Variants in GOLM1 observed in about 807,000 individuals in gnomAD.
GOLM1 encodes the protein epididymis luminal protein 46.
A neutral mutation model predicts 50.5 loss-of-function variants in GOLM1; 31 were observed. That is an observed-to-expected ratio of 0.61 (90% CI 0.46 to 0.83). The LOEUF (loss-of-function observed/expected upper bound fraction) is 0.83, where lower values mean the gene tolerates loss of function less well. Ranked by LOEUF, GOLM1 falls within the 40% of genes least tolerant of loss-of-function variation. The pLI is 0.00. For synonymous variants in GOLM1, 178 were observed against 192.8 expected, an observed-to-expected ratio of 0.92 and a Z score of 0.64; for missense variants, 491 against 501.3, an observed-to-expected ratio of 0.98 and a Z score of 0.20.
rs1162471404 is a variant in GOLM1 at position 86,099,553 on chromosome 9, G to C, written c.-164C>G. The stretch of plus-strand genomic sequence containing the variant: ...GCGCCTCCGCGTCCAGCGCCGCCGC[G>C]TCTCCGGCCTCCGCAGCGGCAAGGC... On this transcript the variant is annotated 5_prime_UTR_variant, in exon 1 of 10. Transcript: ENST00000388712. The C allele has an allele frequency of 6.8e-6, 1 of 147,692 alleles. No homozygotes were observed. Among genetic ancestry groups the C allele is most frequent in the African/African-American group, 2.4e-5 (1 of 40,910 alleles). The allele number at this position is 147,692 out of a possible 1,614,324, so 9.1% of individuals were successfully genotyped here.
intron 4 of GOLM1, among the ~76,000 whole-genome samples, chr9:86,049,558 T>C (rs947771989): frequency 3.9e-5 from 6 of 152,214 alleles, no homozygotes; most frequent in Admixed American, 1.3e-4. Flanking sequence ...GAGCAGTGGT[T>C]TGTAGTTCTC....
At chr9:86,036,212 G>A in intron 7 of GOLM1, 136 bp downstream of exon 7, 1 of 839,344 alleles carries the variant, frequency 1.2e-6, no homozygotes, top group Non-Finnish European at 2.0e-6. Context: ...CAATTCCAGG[G>A]GCCCAGAGAG....
chr9:86,059,077 A>ACC (rs71505773), intron 3 of GOLM1, among the ~76,000 whole-genome samples: 120 of 149,628 alleles, frequency 8.0e-4, no homozygotes, highest in African/African-American at 2.8e-3. Flanking sequence ...AGAAACTAGA[A>ACC]CCCCCCCCCA....
intron 1 of GOLM1, among the ~76,000 whole-genome samples, chr9:86,088,091 C>G (rs1463215415): frequency 1.3e-5 from 2 of 151,944 alleles, no homozygotes; most frequent in African/African-American, 4.8e-5. Context: ...GGTTGGTAGG[C>G]TATTCATTAC....
chr9:86,045,623 T>G (rs1049946633), intron 5 of GOLM1, among the ~76,000 whole-genome samples: 1 of 147,734 alleles, frequency 6.8e-6, no homozygotes, highest in African/African-American at 2.5e-5. Context: ...TGCAGTGAGC[T>G]GAGATTGTGC....
At chr9:86,071,375 T>A (rs797005582) in intron 3 of GOLM1, among the ~76,000 whole-genome samples, 134 of 152,142 alleles carry the variant, frequency 8.8e-4, no homozygotes, top group African/African-American at 1.1e-3. Flanking sequence ...CTATTTTTTT[T>A]AATATAAAAT....
chr9:86,079,890 C>T (rs1203558139), intron 1 of GOLM1: 2 of 152,030 alleles, frequency 1.3e-5, no homozygotes, highest in African/African-American at 4.8e-5. Context: ...TAATGACACC[C>T]AATTAAAGCA....
rs530132329 is a variant in GOLM1 at position 86,083,234 on chromosome 9, C to A, written c.-21-3893G>T. 2.6e-5 allele frequency among the ~76,000 whole-genome samples: 4 copies of A among 152,332 alleles called. No homozygotes were observed. In the South Asian group the frequency reaches 8.3e-4, roughly 32 times the overall value. ...TGTGAATCCAACCCAGGCACATCCT[C>A]CTCTAGGCTTTAAACCATGTCTAGA... On this transcript the variant is annotated intron_variant, in intron 1 of 9. Transcript: ENST00000388712.
intron 5 of GOLM1, among the ~76,000 whole-genome samples, chr9:86,041,480 T>C (rs1206068111): frequency 4.6e-5 from 7 of 152,104 alleles, no homozygotes; most frequent in Admixed American, 6.5e-5. Context: ...ACCAGAAGGC[T>C]TGGGGAGCTT....
chr9:86,090,214 GCACAGGGGTCAGGGACC>G (rs1835132296), intron 1 of GOLM1, among the ~76,000 whole-genome samples: 1 of 152,146 alleles, frequency 6.6e-6, no homozygotes, highest in African/African-American at 2.4e-5. Context: ...CAGTCAGGAG[GCACAGGGGTCAGGGACC>G]CACTTGAAGA....
Position 86,027,734 on chromosome 9 carries a change from ACAGTTTT to A in GOLM1, c.*76_*82del. The A allele has an allele frequency of 6.6e-7, 1 of 1,526,502 alleles. No homozygotes were observed. The highest frequency in any genetic ancestry group is 8.8e-7 in the Non-Finnish European group (1 of 1,137,576). The allele number at this position is 1,526,502 out of a possible 1,614,324, so 94.6% of individuals were successfully genotyped here. On this transcript the variant is annotated 3_prime_UTR_variant, in exon 10 of 10. Transcript: ENST00000388712. Reference sequence around the variant, plus strand: ...ATGTACATTTTATTTAGTACATTTCACAGTTTTCAGTATTCAGTCCCTCATGAACATT... The same window carrying A: ...ATGTACATTTTATTTAGTACATTTCACAGTATTCAGTCCCTCATGAACATT...
chr9:86,074,025 C>CT (rs1834531889), intron 3 of GOLM1, among the ~76,000 whole-genome samples: 1 of 152,000 alleles, frequency 6.6e-6, no homozygotes, highest in Non-Finnish European at 1.5e-5. Context: ...GATATAACAC[C>CT]TACCCAGAGT....
chr9:86,042,161 T>C (rs1490668516), intron 5 of GOLM1, among the ~76,000 whole-genome samples: 1 of 152,252 alleles, frequency 6.6e-6, no homozygotes, highest in Non-Finnish European at 1.5e-5. Context: ...CTCGGTTGAA[T>C]TGCTATTGCA....
rs771897010 is a variant in GOLM1 at position 86,052,570 on chromosome 9, T to C, written c.331A>G (p.Thr111Ala). The change falls in exon 4 of 10, where the codon ACC becomes GCC. Residue 111 changes from threonine (T) to alanine (A), a missense_variant. Coordinates refer to ENST00000388712, the MANE Select transcript of GOLM1 (RefSeq NM_016548.4). ...ACTCGGATGAGCCTCTCACCTGTGG[T>C]GATGTTATTCACCAAAACCGCCTGC... is the stretch of plus-strand genomic sequence containing the variant. ...DEKAVLVNNI[T>A]TGERLIRVLQ... The C allele has an allele frequency of 6.2e-7, 1 of 1,613,692 alleles. No individual in the cohort carries two copies. The highest frequency in any genetic ancestry group is 1.7e-5 in the Admixed American group (1 of 59,992).
chr9:86,047,998 A>G (rs1263265838), intron 4 of GOLM1, among the ~76,000 whole-genome samples: 1 of 151,790 alleles, frequency 6.6e-6, no homozygotes, highest in Non-Finnish European at 1.5e-5. Context: ...CATTTACAAT[A>G]GGTAATTTCT....
chr9:86,059,252 C>T (rs1834082724), intron 3 of GOLM1, among the ~76,000 whole-genome samples: 1 of 152,168 alleles, frequency 6.6e-6, no homozygotes, highest in African/African-American at 2.4e-5. Context: ...CAAATGCTCA[C>T]AGCAGAATTA....
chr9:86,099,239 C>G (rs1389830910), intron 1 of GOLM1, among the ~76,000 whole-genome samples, 172 bp downstream of exon 1: 1 of 151,784 alleles, frequency 6.6e-6, no homozygotes, highest in Non-Finnish European at 1.5e-5. Flanking sequence ...CAGGAAGGTG[C>G]GGAGCCAGCC....
Position 86,026,491 on chromosome 9 carries a change from C to T in GOLM1, c.*1326G>A, listed in dbSNP as rs533477178. Reference sequence around the variant, plus strand: ...CTGTGTGAGGCCAGGGGTGCCAGCGCACCAGCTAGATGCTCTGTAACTTCT... The same window carrying T: ...CTGTGTGAGGCCAGGGGTGCCAGCGTACCAGCTAGATGCTCTGTAACTTCT... On this transcript the variant is annotated 3_prime_UTR_variant, in exon 10 of 10. Transcript: ENST00000388712. The T allele has an allele frequency of 1.9e-5, 17 of 912,438 alleles. No homozygotes were observed. In the African/African-American group the frequency reaches 3.0e-4, roughly 16 times the overall value. The allele number at this position is 912,438 out of a possible 1,614,324, so 56.5% of individuals were successfully genotyped here. A position where few individuals can be genotyped will look rare whatever the true frequency, so the allele number is the denominator to read the frequency against.
intron 3 of GOLM1, among the ~76,000 whole-genome samples, chr9:86,053,083 CACT>C (rs1386573642): frequency 1.5e-5 from 2 of 133,242 alleles, no homozygotes; most frequent in Admixed American, 7.5e-5. Flanking sequence ...CTCTACACGA[CACT>C]ACACCATGCC....
Sources: gnomAD v4.1 joint callset for allele counts (sites outside exome capture counted in the v4.1 genomes callset) on GRCh38, gnomAD v4.1.1 for gene constraint, MANE v1.5 for transcripts, NCBI Gene and HGNC (gene_info 2026-07-23, HGNC 2026-07-21) for gene names.